The following ALDH7A1 variants were observed in gnomAD, a reference collection of about 807,000 sequenced individuals.
ALDH7A1 encodes the protein alpha-aminoadipic semialdehyde dehydrogenase.
ALDH7A1 carries 63 observed loss-of-function variants against 79.9 expected under a neutral mutation model. The observed-to-expected ratio is 0.79, with a 90% CI of 0.64 to 0.97. ALDH7A1 has a LOEUF of 0.97. Ranked by LOEUF, ALDH7A1 falls within the 50% of genes least tolerant of loss-of-function variation. The pLI is 0.00. For missense variants in ALDH7A1, 627 were observed against 665.2 expected (o/e 0.94, Z 0.63); for synonymous variants, 240 against 231.2 (o/e 1.04, Z -0.34).
intron 8 of ALDH7A1, 29 bp from the exon 9 acceptor site, chr5:126,568,385 C>G (rs1561659392): frequency 6.9e-6 from 11 of 1,591,672 alleles, no homozygotes; most frequent in Non-Finnish European, 8.6e-6. Flanking sequence ...GGTCGGCCAC[C>G]CAAGCAGAGA....
intron 10 of ALDH7A1, among the ~76,000 whole-genome samples, chr5:126,559,715 G>C (rs1255272788): frequency 6.6e-6 from 1 of 152,134 alleles, no homozygotes; most frequent in Admixed American, 6.6e-5. Flanking sequence ...TTACAGGCGT[G>C]AGCCACTGTG....
chr5:126,585,472 T>C (rs1751328000), intron 3 of ALDH7A1, among the ~76,000 whole-genome samples: 1 of 152,164 alleles, frequency 6.6e-6, no homozygotes, highest in East Asian at 1.9e-4. Flanking sequence ...CTCTCTCTTC[T>C]CCCCAAGTGT....
Position 126,595,107 on chromosome 5 carries a change from G to A in ALDH7A1, c.92C>T (p.Thr31Ile), listed in dbSNP as rs759758133. 2 of 1,593,218 alleles carry A rather than the reference G, an allele frequency of 1.3e-6. No individual in the cohort carries two copies. The highest frequency in any genetic ancestry group is 2.3e-5 in the South Asian group (2 of 87,752). ...PWSRPAAFMS[T>I]LLINQPQYAW... ...ATACTGGGGCTGATTGATGAGGAGA[G>A]TGGACATGAAGGCGGCAGGCCTGCT... The change falls in exon 1 of 18, where the codon ACT becomes ATT. Residue 31 changes from threonine (T) to isoleucine (I), a missense_variant. Thr to Ile is a moderately conservative substitution (Grantham distance 89). Transcript: ENST00000409134.
intron 3 of ALDH7A1, chr5:126,588,747 G>A (rs1054680930): frequency 2.0e-5 from 3 of 151,608 alleles, no homozygotes; most frequent in African/African-American, 7.3e-5. Context: ...GTTAATAACA[G>A]GGGAAATGGC....
At chr5:126,592,851 G>A in intron 2 of ALDH7A1, 122 bp from the exon 3 acceptor site, 1 of 965,842 alleles carries the variant, frequency 1.0e-6, no homozygotes, top group Non-Finnish European at 1.6e-6. Context: ...AACATTTATG[G>A]CTGAGAATGA....
intron 5 of ALDH7A1, chr5:126,582,117 G>A: frequency 2.5e-6 from 1 of 398,612 alleles, no homozygotes. Context: ...GAGGAGAGAA[G>A]TTTGAGACCA....
chr5:126,583,093 T>C, intron 4 of ALDH7A1, 119 bp from the exon 5 acceptor site: 3 of 1,274,238 alleles, frequency 2.4e-6, no homozygotes, highest in South Asian at 2.6e-5. Context: ...AGAAAGTCTG[T>C]TTCATTTTCC....
chr5:126,556,646 A>C lies in ALDH7A1; in HGVS notation c.1009-631T>G, dbSNP rs529517119. On this transcript the variant is annotated intron_variant, in intron 11 of 17. Coordinates refer to ENST00000409134, the MANE Select transcript of ALDH7A1 (RefSeq NM_001182.5). ...ACATGTGTCCCATACTGTAACCCTA[A>C]GTCCCAGTGAACACAGAGCATAGTC... Among the ~76,000 whole-genome samples, 3 of 152,342 alleles carry C rather than the reference A, an allele frequency of 2.0e-5. No homozygotes were observed. In the South Asian group the frequency reaches 6.2e-4, roughly 32 times the overall value.
At position 126,582,869 on chromosome 5, in the gene ALDH7A1, G is replaced by A. The variant is rs1561667017; in HGVS notation, c.499C>T (p.Pro167Ser). The A allele has an allele frequency of 1.9e-6, 3 of 1,612,522 alleles. No homozygotes were observed. The highest frequency in any genetic ancestry group is 2.5e-6 in the Non-Finnish European group (3 of 1,179,922). ...AVGLSRMIGG[P>S]ILPSERSGHA... The stretch of plus-strand genomic sequence containing the variant: ...TGCTTACTTTCAGAAGGCAAGATAG[G>A]TCCTCCAATCATCCTTGATAAACCA... The change falls in exon 5 of 18, where the codon CCT becomes TCT. Residue 167 changes from proline (P) to serine (S), a missense_variant. Physicochemically the swap from Pro to Ser is moderately conservative, Grantham distance 74. Transcript: ENST00000409134.
At chr5:126,571,645 T>C (rs1750782699) in intron 7 of ALDH7A1, among the ~76,000 whole-genome samples, 1 of 151,984 alleles carries the variant, frequency 6.6e-6, no homozygotes, top group Admixed American at 6.6e-5. Context: ...CTTTTATTTA[T>C]TTATTTATTT....
intron 10 of ALDH7A1, among the ~76,000 whole-genome samples, chr5:126,559,715 G>A (rs1255272788): frequency 6.6e-6 from 1 of 152,134 alleles, no homozygotes; most frequent in Non-Finnish European, 1.5e-5. Context: ...TTACAGGCGT[G>A]AGCCACTGTG....
chr5:126,584,433 G>A (rs928466415), intron 3 of ALDH7A1: 12 of 217,668 alleles, frequency 5.5e-5, no homozygotes, highest in East Asian at 3.8e-4. Flanking sequence ...AGGCTGAGGC[G>A]GGCAGATCAC....
At chr5:126,551,002 TTTTA>T (rs1471635723) in intron 14 of ALDH7A1, among the ~76,000 whole-genome samples, 2 of 152,144 alleles carry the variant, frequency 1.3e-5, no homozygotes, top group Non-Finnish European at 2.9e-5. Flanking sequence ...GTTTTTTGGG[TTTTA>T]TTTATTTGTT....
intron 7 of ALDH7A1, among the ~76,000 whole-genome samples, chr5:126,574,115 T>C (rs1409374523): frequency 6.6e-6 from 1 of 150,532 alleles, no homozygotes; most frequent in Admixed American, 6.6e-5. Context: ...TTCTAAATAA[T>C]CTTCTAGGCT....
intron 14 of ALDH7A1, among the ~76,000 whole-genome samples, chr5:126,551,320 C>CTTT (rs10666972): frequency 6.9e-5 from 10 of 145,918 alleles, no homozygotes; most frequent in Admixed American, 2.1e-4. Flanking sequence ...AACTATAGGT[C>CTTT]TTTTTTTTTT....
In ALDH7A1 at chr5:126,559,262, C is replaced by A; in HGVS notation, c.986G>T (p.Arg329Met). Residue 329 changes from arginine to methionine, a missense_variant, in exon 11 of 18, where the codon AGG (arginine) becomes ATG (methionine). Transcript: ENST00000409134. ...CACCAGTCGCCTCGCAGTGGTACAC[C>A]TCTGGCCAGCTGTTCCCACAGCAGC... The part of the protein sequence containing the change: ...LFAAVGTAGQ[R>M]CTTARRLFIH... 1 of 1,613,952 alleles carries A rather than the reference C, an allele frequency of 6.2e-7. No homozygotes were observed. Among genetic ancestry groups the A allele is most frequent in the South Asian group, 1.1e-5 (1 of 91,064 alleles).
At chr5:126,594,203 T>C (rs774494695) in intron 1 of ALDH7A1, 2 of 470,904 alleles carry the variant, frequency 4.2e-6, no homozygotes, top group Non-Finnish European at 8.8e-6. Flanking sequence ...GAAAATCCAG[T>C]CCTCAAAGGA....
chr5:126,572,214 G>A (rs1030929299), intron 7 of ALDH7A1, among the ~76,000 whole-genome samples: 1 of 152,114 alleles, frequency 6.6e-6, no homozygotes, highest in Admixed American at 6.6e-5. Flanking sequence ...TCATAGAAAA[G>A]GTATCATTAT....
intron 3 of ALDH7A1, among the ~76,000 whole-genome samples, chr5:126,585,313 A>G (rs1751323808): frequency 6.6e-6 from 1 of 152,072 alleles, no homozygotes; most frequent in South Asian, 2.1e-4. Context: ...AAAATAATAA[A>G]GTACAGGTAA....
Sources: gnomAD v4.1 joint callset for allele counts (sites outside exome capture counted in the v4.1 genomes callset) on GRCh38, gnomAD v4.1.1 for gene constraint, MANE v1.5 for transcripts, NCBI Gene and HGNC (gene_info 2026-07-23, HGNC 2026-07-21) for gene names.